Variants in ARHGAP15 observed in about 807,000 individuals in gnomAD.
ARHGAP15 encodes rho GTPase-activating protein 15.
A neutral mutation model predicts 63.7 loss-of-function variants in ARHGAP15; 51 were observed. That is an observed-to-expected ratio of 0.80 (90% CI 0.64 to 1.01). ARHGAP15 has a LOEUF of 1.01. ARHGAP15 is among the 50% of genes least tolerant of loss of function. ARHGAP15 has a pLI of 0.00. For synonymous variants in ARHGAP15, 191 were observed against 193.8 expected, an observed-to-expected ratio of 0.99 and a Z score of 0.12; for missense variants, 560 against 564.6, an observed-to-expected ratio of 0.99 and a Z score of 0.08.
Position 143,701,021 on chromosome 2 carries a change from C to CT in ARHGAP15, c.1139-2390dup, listed in dbSNP as rs748257703. Among the ~76,000 whole-genome samples the CT allele has an allele frequency of 6.6e-5, 10 of 151,326 alleles. No homozygotes were observed. In the East Asian group the frequency reaches 7.7e-4, roughly 12 times the overall value. On this transcript the variant is annotated intron_variant, in intron 12 of 13. Coordinates refer to ENST00000295095, the MANE Select transcript of ARHGAP15 (RefSeq NM_018460.4). Reference sequence around the variant, plus strand: ...TTCTCTTTCTCGCTCCCCTTTGTTTCTTTTTTTTGCAGTTGTCCAAGCCAT... The same window carrying CT: ...TTCTCTTTCTCGCTCCCCTTTGTTTCTTTTTTTTTGCAGTTGTCCAAGCCAT...
At chr2:143,400,860 T>C (rs1227698276) in intron 6 of ARHGAP15, among the ~76,000 whole-genome samples, 5 of 152,152 alleles carry the variant, frequency 3.3e-5, no homozygotes, top group South Asian at 2.1e-4. Context: ...CAACAGCTGA[T>C]TGGGGACTTA....
chr2:143,618,998 A>ATTTTTTTT (rs11349449), intron 11 of ARHGAP15, among the ~76,000 whole-genome samples: 3 of 149,968 alleles, frequency 2.0e-5, no homozygotes, highest in African/African-American at 4.9e-5. Flanking sequence ...ACTTTTTGTT[A>ATTTTTTTT]TTTTTTTTTT....
chr2:143,662,924 C>G (rs1043999603), intron 12 of ARHGAP15, among the ~76,000 whole-genome samples: 1 of 144,590 alleles, frequency 6.9e-6, no homozygotes, highest in Non-Finnish European at 1.5e-5. Flanking sequence ...GTGAAAAGAC[C>G]AACTCTACGT....
intron 6 of ARHGAP15, among the ~76,000 whole-genome samples, chr2:143,355,119 T>G (rs906360854): frequency 3.9e-5 from 6 of 152,174 alleles, no homozygotes; most frequent in Non-Finnish European, 7.4e-5. Flanking sequence ...TTAAGTAATC[T>G]GAAAATAAAC....
chr2:143,298,334 G>C (rs549876023), intron 6 of ARHGAP15, among the ~76,000 whole-genome samples: 1 of 151,886 alleles, frequency 6.6e-6, no homozygotes, highest in Non-Finnish European at 1.5e-5. Flanking sequence ...TTAGCATCTC[G>C]TAATACTGAA....
At chr2:143,737,183 C>T (rs1015196157) in intron 13 of ARHGAP15, among the ~76,000 whole-genome samples, 1 of 152,168 alleles carries the variant, frequency 6.6e-6, no homozygotes, top group Non-Finnish European at 1.5e-5. Context: ...ATATGTTTTA[C>T]GGAGGAGATA....
chr2:143,432,430 ATAG>A (rs1689428786), intron 6 of ARHGAP15, among the ~76,000 whole-genome samples: 1 of 152,230 alleles, frequency 6.6e-6, no homozygotes, highest in African/African-American at 2.4e-5. Context: ...TTAAATTAGC[ATAG>A]TAAAGCTCCA....
intron 1 of ARHGAP15, among the ~76,000 whole-genome samples, chr2:143,140,022 A>T (rs1689297826): frequency 6.6e-6 from 1 of 152,178 alleles, no homozygotes; most frequent in African/African-American, 2.4e-5. Flanking sequence ...CACTTTAAAA[A>T]GGTTAAACGC....
chr2:143,277,204 T>C (rs930815471), intron 6 of ARHGAP15, among the ~76,000 whole-genome samples: 6 of 152,148 alleles, frequency 3.9e-5, no homozygotes, highest in Non-Finnish European at 8.8e-5. Flanking sequence ...AGCCATTCTC[T>C]TTTCAAACAA....
rs139728350 is a variant in ARHGAP15 at position 143,659,647 on chromosome 2, T to A, written c.1138+35380T>A. 1.5e-4 allele frequency among the ~76,000 whole-genome samples: 23 copies of A among 152,334 alleles called. 1 individual carries two copies. In the East Asian group the frequency reaches 4.4e-3, roughly 29 times the overall value. On this transcript the variant is annotated intron_variant, in intron 12 of 13. Transcript: ENST00000295095. Reference sequence around the variant, plus strand: ...TATCCCTTCCAAGCCACTACCGCCCTAGGGGCTAGTGGAGACATTAAGGAG... The same window carrying A: ...TATCCCTTCCAAGCCACTACCGCCCAAGGGGCTAGTGGAGACATTAAGGAG...
At chr2:143,308,666 G>C (rs1238006063) in intron 6 of ARHGAP15, among the ~76,000 whole-genome samples, 5 of 152,144 alleles carry the variant, frequency 3.3e-5, no homozygotes, top group East Asian at 3.9e-4. Context: ...TGGGGAATGT[G>C]ATAACTGTAA....
chr2:143,296,965 C>G (rs1461669912), intron 6 of ARHGAP15, among the ~76,000 whole-genome samples: 1 of 151,862 alleles, frequency 6.6e-6, no homozygotes, highest in Non-Finnish European at 1.5e-5. Flanking sequence ...CCAAATATAC[C>G]TTTTTTTCCT....
At chr2:143,559,519 T>C (rs1695939831) in intron 11 of ARHGAP15, among the ~76,000 whole-genome samples, 1 of 152,234 alleles carries the variant, frequency 6.6e-6, no homozygotes, top group Non-Finnish European at 1.5e-5. Flanking sequence ...GGTAACTTTG[T>C]CCAAGTTGTG....
intron 10 of ARHGAP15, among the ~76,000 whole-genome samples, chr2:143,535,766 A>G (rs1694726870): frequency 6.6e-6 from 1 of 152,202 alleles, no homozygotes; most frequent in Admixed American, 6.5e-5. Context: ...TGGAGGAAAC[A>G]GGGAAATTAA....
intron 8 of ARHGAP15, among the ~76,000 whole-genome samples, chr2:143,462,312 G>A (rs950882798): frequency 1.3e-5 from 2 of 152,238 alleles, no homozygotes; most frequent in South Asian, 4.1e-4. Flanking sequence ...TGTGGTGGAA[G>A]TTTGCCTCTA....
chr2:143,238,045 A>G (rs1247911746), intron 5 of ARHGAP15: 1 of 152,100 alleles, frequency 6.6e-6, no homozygotes, highest in Non-Finnish European at 1.5e-5. Context: ...AATTTTCTGC[A>G]TATGGTTACC....
chr2:143,533,921 G>A (rs926525692), intron 10 of ARHGAP15, among the ~76,000 whole-genome samples: 1 of 152,166 alleles, frequency 6.6e-6, no homozygotes, highest in Non-Finnish European at 1.5e-5. Context: ...TACCAGCTGA[G>A]GCCAATAAGC....
intron 2 of ARHGAP15, among the ~76,000 whole-genome samples, chr2:143,184,147 G>A (rs1365850769): frequency 2.6e-5 from 4 of 152,226 alleles, no homozygotes; most frequent in Middle Eastern, 3.4e-3. Context: ...AATAGCATTC[G>A]ACAGGGTGAA....
chr2:143,318,785 G>T (rs1325903003), intron 6 of ARHGAP15, among the ~76,000 whole-genome samples: 2 of 151,982 alleles, frequency 1.3e-5, no homozygotes, highest in Admixed American at 1.3e-4. Flanking sequence ...AATACATGTT[G>T]CCTTCTCTTT....
Sources: gnomAD v4.1 joint callset for allele counts (sites outside exome capture counted in the v4.1 genomes callset) on GRCh38, gnomAD v4.1.1 for gene constraint, MANE v1.5 for transcripts, NCBI Gene and HGNC (gene_info 2026-07-23, HGNC 2026-07-21) for gene names.